WASHC5: variants seen among roughly 807,000 people sequenced by gnomAD.
WASHC5 encodes the protein WASH complex subunit 5.
A neutral mutation model predicts 150.4 loss-of-function variants in WASHC5; 101 were observed. The observed-to-expected ratio is 0.67, with a 90% CI of 0.57 to 0.79. The LOEUF (loss-of-function observed/expected upper bound fraction) is 0.79. Among genes scored for constraint, WASHC5 ranks in the 30% least tolerant of loss-of-function variants. The pLI is 0.00. For missense variants in WASHC5, 1,195 were observed against 1,396.3 expected (o/e 0.86, Z 2.30); for synonymous variants, 467 against 491.2 (o/e 0.95, Z 0.65).
At chr8:125,065,910 C>T (rs1432119884) in intron 10 of WASHC5, among the ~76,000 whole-genome samples, 1 of 152,188 alleles carries the variant, frequency 6.6e-6, no homozygotes, top group Non-Finnish European at 1.5e-5. Context: ...AGCCACTGCA[C>T]TCGACTGGGC....
chr8:125,048,108 T>G (rs1816128498), intron 19 of WASHC5, among the ~76,000 whole-genome samples: 1 of 152,176 alleles, frequency 6.6e-6, no homozygotes, highest in Non-Finnish European at 1.5e-5. Context: ...AGAAACATTG[T>G]GAAAAGGTGA....
At chr8:125,033,795 G>A (rs1386228812) in intron 26 of WASHC5, among the ~76,000 whole-genome samples, 1 of 151,998 alleles carries the variant, frequency 6.6e-6, no homozygotes, top group Non-Finnish European at 1.5e-5. Flanking sequence ...TGATCCTCTC[G>A]TCTCAGCCTC....
At chr8:125,049,951 C>G (rs1328828656) in intron 18 of WASHC5, among the ~76,000 whole-genome samples, 1 of 151,688 alleles carries the variant, frequency 6.6e-6, no homozygotes, top group African/African-American at 2.4e-5. Context: ...TGACTGACAA[C>G]TGATGTCAGA....
At chr8:125,072,115 C>G (rs1415571980) in intron 9 of WASHC5, among the ~76,000 whole-genome samples, 1 of 151,926 alleles carries the variant, frequency 6.6e-6, no homozygotes, top group Non-Finnish European at 1.5e-5. Context: ...CCGAGGTGGG[C>G]AGACTGCTTG....
At chr8:125,066,898 C>T (rs888769925) in intron 10 of WASHC5, among the ~76,000 whole-genome samples, 3 of 152,196 alleles carry the variant, frequency 2.0e-5, no homozygotes, top group African/African-American at 7.2e-5. Context: ...GAAGCTCTTG[C>T]GTCTCTTCTC....
Position 125,084,581 on chromosome 8 carries a change from A to T in WASHC5, c.-124-559T>A, listed in dbSNP as rs149145988. 1.6e-4 allele frequency among the ~76,000 whole-genome samples: 25 copies of T among 152,376 alleles called. No individual in the cohort carries two copies. The East Asian group carries it at 2.5e-3, about 15-fold the overall frequency. Reference sequence around the variant, plus strand: ...CTGGTCCAAAAGTCTCATAAAATTCAGCACTTAGGTATCTAGCACTGTTAG... The same window carrying T: ...CTGGTCCAAAAGTCTCATAAAATTCTGCACTTAGGTATCTAGCACTGTTAG... On this transcript the variant is annotated intron_variant, in intron 1 of 28. Coordinates refer to ENST00000318410, the MANE Select transcript of WASHC5 (RefSeq NM_014846.4).
At chr8:125,067,813 A>G in intron 9 of WASHC5, 94 bp from the exon 10 acceptor site, 1 of 1,391,008 alleles carries the variant, frequency 7.2e-7, no homozygotes, top group Non-Finnish European at 1.0e-6. Flanking sequence ...CATTTTAACC[A>G]TTTAAAAAGT....
At chr8:125,071,004 T>C (rs1816882233) in intron 9 of WASHC5, among the ~76,000 whole-genome samples, 1 of 152,206 alleles carries the variant, frequency 6.6e-6, no homozygotes, top group Non-Finnish European at 1.5e-5. Context: ...GCTACCATGT[T>C]ACAAAGGAAG....
In WASHC5 at chr8:125,081,715, T is replaced by C; in HGVS notation, c.464A>G (p.Gln155Arg). 1.9e-6 allele frequency: 3 copies of C among 1,613,170 alleles called. No homozygotes were observed. Among genetic ancestry groups the C allele is most frequent in the Non-Finnish European group, 2.5e-6 (3 of 1,179,250 alleles). ...LYGVMLLVID[Q>R]KIEGEVRERM... is the part of the protein sequence containing the mutation. The stretch of plus-strand genomic sequence containing the variant: ...CTCTCTGACTTCTCCTTCAATCTTT[T>C]GGTCAATGACCAGTAGCATAACTCC... The change falls in exon 5 of 29, where the codon CAA (glutamine) becomes CGA (arginine). Residue 155 changes from glutamine to arginine, a missense_variant. Coordinates refer to ENST00000318410, the MANE Select transcript of WASHC5 (RefSeq NM_014846.4).
intron 18 of WASHC5, 64 bp downstream of exon 18, chr8:125,050,500 G>T: frequency 9.0e-7 from 1 of 1,107,904 alleles, no homozygotes; most frequent in Non-Finnish European, 1.4e-6. Flanking sequence ...GTTAAAAATG[G>T]CATTCTAGTC....
intron 27 of WASHC5, 139 bp from the exon 28 acceptor site, chr8:125,028,846 T>C (rs900156560): frequency 6.7e-5 from 46 of 682,418 alleles, no homozygotes; most frequent in Admixed American, 4.8e-4. Context: ...ATGCTCTTAA[T>C]TCCTGTCAAG....
rs778878512 is a variant in WASHC5, at chr8:125,081,631, T to C, written c.518+30A>G. 4 of 1,270,268 alleles carry C rather than the reference T, an allele frequency of 3.1e-6. No homozygotes were observed. In the Admixed American group the frequency reaches 6.7e-5, roughly 21 times the overall value. The allele number at this position is 1,270,268 out of a possible 1,614,324, so 78.7% of individuals were successfully genotyped here. ...CACTGCATTTTACCGACAGCAGCGT[T>C]TCGGAAGTGTAGTCCTAGCCCAGGA... On this transcript the variant is annotated intron_variant, in intron 5 of 28. Coordinates refer to ENST00000318410, the MANE Select transcript of WASHC5 (RefSeq NM_014846.4).
intron 1 of WASHC5, among the ~76,000 whole-genome samples, chr8:125,085,574 A>G (rs971789775): frequency 3.9e-5 from 6 of 152,218 alleles, no homozygotes; most frequent in African/African-American, 1.4e-4. Flanking sequence ...AACAAAACAT[A>G]CATGTGATGT....
chr8:125,054,937 G>A (rs1816363230), intron 17 of WASHC5, among the ~76,000 whole-genome samples: 1 of 147,920 alleles, frequency 6.8e-6, no homozygotes, highest in African/African-American at 2.6e-5. Context: ...TTTGACTAAG[G>A]AAATTGAATT....
intron 6 of WASHC5, among the ~76,000 whole-genome samples, chr8:125,076,744 TAAAAAA>T (rs59580091): frequency 7.6e-6 from 1 of 132,274 alleles, no homozygotes; most frequent in African/African-American, 3.2e-5. Flanking sequence ...AGTCTTTTCT[TAAAAAA>T]AAAAAAAAAA....
intron 11 of WASHC5, among the ~76,000 whole-genome samples, chr8:125,062,977 T>G (rs74643770): frequency 0.026 from 3,978 of 152,212 alleles, 175 homozygotes; most frequent in African/African-American, 0.092. Context: ...AATTTTAGTT[T>G]GTGTTTTTTC....
intron 27 of WASHC5, among the ~76,000 whole-genome samples, chr8:125,029,654 C>T (rs982982768): frequency 3.3e-5 from 5 of 152,242 alleles, no homozygotes; most frequent in Non-Finnish European, 7.3e-5. Context: ...TCAGCAACTA[C>T]AGTGCCAAGC....
intron 23 of WASHC5, among the ~76,000 whole-genome samples, chr8:125,042,975 T>C (rs932911542): frequency 1.3e-5 from 2 of 152,252 alleles, no homozygotes; most frequent in Non-Finnish European, 2.9e-5. Context: ...AATCAGAGAA[T>C]GGAACTTTTC....
intron 1 of WASHC5, among the ~76,000 whole-genome samples, chr8:125,091,225 A>G (rs1817624736): frequency 6.6e-6 from 1 of 151,988 alleles, no homozygotes; most frequent in African/African-American, 2.4e-5. Flanking sequence ...GCCCAAACTC[A>G]CAGCCCATGG....
Sources: allele counts gnomAD v4.1 joint callset (sites outside exome capture counted in the v4.1 genomes callset), GRCh38; gene constraint gnomAD v4.1.1; transcripts MANE v1.5; gene names NCBI Gene and HGNC (gene_info 2026-07-23, HGNC 2026-07-21).